Variants in ANKRD30B observed in about 807,000 individuals in gnomAD.
ANKRD30B encodes the protein ankyrin repeat domain-containing protein 30B.
Under a neutral mutation model 202.2 loss-of-function variants are expected in ANKRD30B, and 144 were observed. The ratio of observed to expected loss-of-function variants is 0.71; its 90% CI spans 0.62 to 0.82. The LOEUF (loss-of-function observed/expected upper bound fraction) is 0.82. ANKRD30B is among the 40% of genes least tolerant of loss of function. ANKRD30B has a pLI of 0.00. For synonymous variants in ANKRD30B, 508 were observed against 561.3 expected (o/e 0.91, Z 1.34); for missense variants, 1,487 against 1,669.1 (o/e 0.89, Z 1.90).
chr18:14,840,903 T>C (rs1033382273), intron 37 of ANKRD30B, among the ~76,000 whole-genome samples: 1 of 151,938 alleles, frequency 6.6e-6, no homozygotes, highest in African/African-American at 2.4e-5. Context: ...CTCTAAGACC[T>C]GAGGAAAGGA....
chr18:14,790,752 G>A (rs1968437491), intron 15 of ANKRD30B, among the ~76,000 whole-genome samples: 1 of 151,982 alleles, frequency 6.6e-6, no homozygotes, highest in Non-Finnish European at 1.5e-5. Flanking sequence ...ACTTGATCAT[G>A]GTGGATAAGC....
the ANKRD30B span, among the ~76,000 whole-genome samples, chr18:14,913,840 G>A: frequency 6.6e-6 from 1 of 152,192 alleles, no homozygotes; most frequent in Non-Finnish European, 1.5e-5. Flanking sequence ...GTTGGTAAAA[G>A]TAAAAATTAA....
intron 33 of ANKRD30B, among the ~76,000 whole-genome samples, 188 bp from the exon 34 acceptor site, chr18:14,831,195 A>AAAAAAAAAAAAAAAAAG (rs1970917280): frequency 1.3e-5 from 2 of 150,928 alleles, no homozygotes; most frequent in African/African-American, 2.4e-5. Context: ...AAAAAAAAAA[A>AAAAAAAAAAAAAAAAAG]AAAAACGAAA....
chr18:14,784,312 T>C, intron 12 of ANKRD30B, 24 bp from the exon 13 acceptor site: 3 of 1,608,080 alleles, frequency 1.9e-6, no homozygotes, highest in South Asian at 2.2e-5. Context: ...TTATGATTGA[T>C]GATAAATCTC....
the ANKRD30B span, among the ~76,000 whole-genome samples, chr18:14,921,347 C>T: frequency 1.9e-3 from 283 of 147,942 alleles, 1 homozygote; most frequent in African/African-American, 5.4e-3. Flanking sequence ...AAATGAGGTG[C>T]GTGTTTAGAT....
the ANKRD30B span, among the ~76,000 whole-genome samples, chr18:14,908,090 C>T: frequency 2.0e-5 from 3 of 152,070 alleles, no homozygotes; most frequent in Non-Finnish European, 2.9e-5. Context: ...TGCAGCATGA[C>T]CGAAAACAGG....
the ANKRD30B span, among the ~76,000 whole-genome samples, chr18:14,875,390 G>A: frequency 2.0e-5 from 3 of 152,202 alleles, no homozygotes; most frequent in African/African-American, 7.2e-5. Flanking sequence ...GGACCACACA[G>A]GACAGAAGGG....
At position 14,808,544 on chromosome 18, in the gene ANKRD30B, C is replaced by A. The variant is rs760389298; in HGVS notation, c.2285-7C>A. 117 of 1,482,070 alleles carry A rather than the reference C, an allele frequency of 7.9e-5. 1 individual carries two copies. The Admixed American group carries it at 2.0e-3, about 25-fold the overall frequency. 91.8% of individuals were successfully genotyped at this position (1,482,070 alleles called of 1,614,324 possible). A position where few individuals can be genotyped will look rare whatever the true frequency, so the allele number is the denominator to read the frequency against. Reference sequence around the variant, plus strand: ...ATAATCAATTATATATGTCCCTTTTCTTTTAGAGTCTCCTGATAAAGATGG... The same window carrying A: ...ATAATCAATTATATATGTCCCTTTTATTTTAGAGTCTCCTGATAAAGATGG... On this transcript the variant is annotated splice_region_variant and splice_polypyrimidine_tract_variant and intron_variant, in intron 24 of 43. Coordinates refer to ENST00000690538, the MANE Select transcript of ANKRD30B (RefSeq NM_001367607.2).
At chr18:14,797,613 T>A (rs1255740119) in intron 18 of ANKRD30B, 48 bp from the exon 19 acceptor site, 5 of 1,555,520 alleles carry the variant, frequency 3.2e-6, no homozygotes, top group Non-Finnish European at 4.4e-6. Context: ...TTTGGTAGGC[T>A]TTGTCAGGCT....
At chr18:14,830,152 C>G (rs1362948656) in intron 33 of ANKRD30B, 1 of 154,754 alleles carries the variant, frequency 6.5e-6, no homozygotes, top group African/African-American at 2.4e-5. Context: ...AGGTTGGAGA[C>G]TGCCATGAAG....
chr18:14,862,928 G>T, the ANKRD30B span, among the ~76,000 whole-genome samples: 2 of 152,222 alleles, frequency 1.3e-5, no homozygotes, highest in Non-Finnish European at 2.9e-5. Context: ...CCTGAGGCCT[G>T]TTGCCCCTTT....
chr18:14,888,445 C>T, the ANKRD30B span, among the ~76,000 whole-genome samples: 2 of 152,044 alleles, frequency 1.3e-5, no homozygotes, highest in African/African-American at 4.8e-5. Flanking sequence ...TTACTAACAT[C>T]ATGATTGTAC....
At chr18:14,847,056 A>T (rs1461788432) in intron 39 of ANKRD30B, among the ~76,000 whole-genome samples, 2 of 22,060 alleles carry the variant, frequency 9.1e-5, no homozygotes, top group Admixed American at 3.6e-4. Flanking sequence ...AGTTTTATAT[A>T]TATATATATA....
chr18:14,932,231 C>G, the ANKRD30B span, among the ~76,000 whole-genome samples: 1 of 151,768 alleles, frequency 6.6e-6, no homozygotes. Flanking sequence ...TGCCTGGCGT[C>G]AGGTCTGAGT....
chr18:14,934,616 G>A, the ANKRD30B span, among the ~76,000 whole-genome samples: 6 of 152,306 alleles, frequency 3.9e-5, no homozygotes, highest in Admixed American at 6.5e-5. Context: ...GCACTGGAGA[G>A]GCTGTGGTGG....
intron 36 of ANKRD30B, among the ~76,000 whole-genome samples, chr18:14,840,340 C>T (rs2143172271): frequency 6.6e-6 from 1 of 152,150 alleles, no homozygotes; most frequent in African/African-American, 2.4e-5. Context: ...GAGTTTGAGA[C>T]CAGCCTAGCC....
chr18:14,770,585 A>G (rs1424602529), intron 8 of ANKRD30B, among the ~76,000 whole-genome samples: 1 of 152,172 alleles, frequency 6.6e-6, no homozygotes, highest in African/African-American at 2.4e-5. Flanking sequence ...CAAGTTTGAA[A>G]AGAAACAATC....
At chr18:14,794,447 C>A (rs931764594) in intron 16 of ANKRD30B, among the ~76,000 whole-genome samples, 2 of 151,628 alleles carry the variant, frequency 1.3e-5, no homozygotes, top group Non-Finnish European at 1.5e-5. Flanking sequence ...TGGTTACATA[C>A]TCATTTCCTA....
At chr18:14,921,651 A>AAAG in the ANKRD30B span, among the ~76,000 whole-genome samples, 71 of 152,218 alleles carry the variant, frequency 4.7e-4, no homozygotes, top group Non-Finnish European at 9.1e-4. Flanking sequence ...GCTCCTGTGT[A>AAAG]AAGGAAGTTC....
Sources: gnomAD v4.1 joint callset for allele counts (sites outside exome capture counted in the v4.1 genomes callset) on GRCh38, gnomAD v4.1.1 for gene constraint, MANE v1.5 for transcripts, NCBI Gene and HGNC (gene_info 2026-07-23, HGNC 2026-07-21) for gene names.